Variants in GRM8 observed in about 807,000 individuals in gnomAD.
The protein encoded by GRM8 is metabotropic glutamate receptor 8.
Under a neutral mutation model 87.2 loss-of-function variants are expected in GRM8, and 47 were observed. The ratio of observed to expected loss-of-function variants is 0.54; its 90% CI spans 0.43 to 0.69. The LOEUF is 0.69. Ranked by LOEUF, GRM8 falls within the 30% of genes least tolerant of loss-of-function variation. The pLI, the probability that GRM8 is intolerant of heterozygous loss-of-function variation, is 0.00. For synonymous variants in GRM8, 396 were observed against 404.5 expected (o/e 0.98, Z 0.25); for missense variants, 1,019 against 1,139.2 (o/e 0.89, Z 1.52).
chr7:126,788,420 A>AAAAACAAAAAAAACAAAAAAAAAAAAAAC lies in GRM8; in HGVS notation c.1157-18356_1157-18355insGTTTTTTTTTTTTTTGTTTTTTTTGTTTT. On this transcript the variant is annotated intron_variant, in intron 6 of 10. Transcript: ENST00000339582. ...GCAAGACTCCATCTCAAAAAAAAAAAAAACCCTTTCAGATATCTTTAACAT... is the reference window on the plus strand; with the variant it reads ...GCAAGACTCCATCTCAAAAAAAAAAAAAAACAAAAAAAACAAAAAAAAAAAAAACAAACCCTTTCAGATATCTTTAACAT... 3.1e-3 allele frequency among the ~76,000 whole-genome samples: 251 copies of AAAAACAAAAAAAACAAAAAAAAAAAAAAC among 81,128 alleles called. 14 individuals are homozygous for AAAAACAAAAAAAACAAAAAAAAAAAAAAC. The highest frequency in any genetic ancestry group is 0.011 in the African/African-American group (249 of 21,818). The allele number at this position is 81,128 out of a possible 152,430, so 53.2% of individuals were successfully genotyped here. A position where few individuals can be genotyped will look rare whatever the true frequency, so the allele number is the denominator to read the frequency against.
intron 2 of GRM8, among the ~76,000 whole-genome samples, chr7:127,133,625 G>A (rs1225013195): frequency 6.9e-6 from 1 of 145,540 alleles, no homozygotes; most frequent in Non-Finnish European, 1.5e-5. Flanking sequence ...AGAATGGCAC[G>A]AACCCGGGAG....
intron 3 of GRM8, among the ~76,000 whole-genome samples, chr7:126,968,978 A>G (rs142107001): frequency 1.1e-3 from 175 of 152,310 alleles, no homozygotes; most frequent in Non-Finnish European, 1.8e-3. Flanking sequence ...AGTCATGTGA[A>G]CTTTTTTATT....
chr7:126,927,092 T>C (rs753722902), intron 3 of GRM8, among the ~76,000 whole-genome samples: 1 of 152,254 alleles, frequency 6.6e-6, no homozygotes, highest in South Asian at 2.1e-4. Flanking sequence ...CCAGTGGTAG[T>C]ACCTTATCAA....
chr7:127,139,118 C>T (rs1828112722), intron 2 of GRM8, among the ~76,000 whole-genome samples: 1 of 152,110 alleles, frequency 6.6e-6, no homozygotes, highest in Non-Finnish European at 1.5e-5. Context: ...ACTACTTTGT[C>T]GTGCTGACTT....
chr7:126,461,315 A>G (rs765929331), intron 9 of GRM8, among the ~76,000 whole-genome samples: 6 of 151,484 alleles, frequency 4.0e-5, no homozygotes, highest in Non-Finnish European at 7.4e-5. Flanking sequence ...TTCTTTATAC[A>G]TCTCTCACCT....
intron 9 of GRM8, among the ~76,000 whole-genome samples, chr7:126,475,159 C>T (rs889437447): frequency 1.1e-4 from 16 of 151,836 alleles, no homozygotes; most frequent in Non-Finnish European, 2.2e-4. Context: ...AAAAGATAAA[C>T]GTCATCCTAA....
chr7:126,749,842 A>C, intron 7 of GRM8, among the ~76,000 whole-genome samples: 1 of 152,136 alleles, frequency 6.6e-6, no homozygotes, highest in East Asian at 1.9e-4. Context: ...GACAATATCA[A>C]GTGTTGGAGA....
At chr7:126,644,087 T>C (rs3779540) in intron 7 of GRM8, among the ~76,000 whole-genome samples, 46,877 of 152,220 alleles carry the variant, frequency 0.31, 8,095 homozygotes, top group East Asian at 0.43. Flanking sequence ...AAGTCGATGG[T>C]GAATCTTACA....
intron 3 of GRM8, among the ~76,000 whole-genome samples, chr7:126,905,376 G>T (rs1159725947): frequency 2.0e-5 from 3 of 152,276 alleles, no homozygotes; most frequent in South Asian, 2.1e-4. Context: ...GGACAAAAGA[G>T]AAAAGTATAG....
rs1818652405 is a variant in GRM8, at chr7:126,769,950, G to A, written c.1272C>T (p.Cys424=). ...GTGGACAAAGGCCAATGTATCCAGG[G>A]CAGAGATCTTTGTGCATATTGTGCA... ...YALHNMHKDL[C]PGYIGLCPRM... is the part of the protein sequence containing the mutation. The change falls in exon 7 of 11, where the codon TGC becomes TGT. Residue 424 remains cysteine (C), a synonymous_variant. Transcript: ENST00000339582. The A allele has an allele frequency of 1.9e-6, 3 of 1,612,294 alleles. No individual in the cohort carries two copies. Among genetic ancestry groups the A allele is most frequent in the Non-Finnish European group, 2.5e-6 (3 of 1,178,562 alleles).
chr7:126,666,220 C>A (rs1805748016), intron 7 of GRM8, among the ~76,000 whole-genome samples: 1 of 152,056 alleles, frequency 6.6e-6, no homozygotes. Flanking sequence ...TCAACTCTGC[C>A]CTTGGTACTG....
intron 7 of GRM8, among the ~76,000 whole-genome samples, chr7:126,636,536 A>C (rs1296163568): frequency 1.3e-5 from 2 of 152,140 alleles, no homozygotes; most frequent in Non-Finnish European, 2.9e-5. Context: ...CAATTTTTTA[A>C]AAAATATTTT....
At chr7:126,481,808 T>A (rs957315358) in intron 9 of GRM8, among the ~76,000 whole-genome samples, 8 of 152,070 alleles carry the variant, frequency 5.3e-5, no homozygotes, top group Admixed American at 1.3e-4. Flanking sequence ...AGTATGTTAG[T>A]TTATTTGTTT....
intron 2 of GRM8, among the ~76,000 whole-genome samples, chr7:127,170,909 G>C (rs1793762059): frequency 6.6e-6 from 1 of 151,938 alleles, no homozygotes; most frequent in Admixed American, 6.6e-5. Flanking sequence ...TCGGGTGATG[G>C]GTGCACCAAA....
intron 6 of GRM8, among the ~76,000 whole-genome samples, chr7:126,893,582 A>G (rs1296501114): frequency 6.6e-6 from 1 of 152,004 alleles, no homozygotes; most frequent in African/African-American, 2.4e-5. Flanking sequence ...TAGACCAATT[A>G]ATTAACTTAA....
intron 6 of GRM8, among the ~76,000 whole-genome samples, chr7:126,794,674 T>C (rs926675882): frequency 2.6e-5 from 4 of 152,146 alleles, no homozygotes; most frequent in African/African-American, 9.7e-5. Context: ...ATAAAAGAAA[T>C]AGCAGTGCTT....
At chr7:126,647,715 T>C (rs1479437842) in intron 7 of GRM8, among the ~76,000 whole-genome samples, 2 of 152,136 alleles carry the variant, frequency 1.3e-5, no homozygotes, top group Non-Finnish European at 2.9e-5. Context: ...GTGGTCAGTT[T>C]TGCCTCAAAA....
At chr7:127,019,648 A>G (rs17869216) in intron 3 of GRM8, among the ~76,000 whole-genome samples, 2,315 of 152,154 alleles carry the variant, frequency 0.015, 54 homozygotes, top group African/African-American at 0.052. Flanking sequence ...ACCAAGAATC[A>G]TTACACGGGC....
At chr7:126,641,323 T>C (rs898313901) in intron 7 of GRM8, among the ~76,000 whole-genome samples, 18 of 152,324 alleles carry the variant, frequency 1.2e-4, no homozygotes, top group African/African-American at 4.1e-4. Flanking sequence ...TAAATTTAGG[T>C]TGGCTTAAGC....
Sources: gnomAD v4.1 joint callset for allele counts (sites outside exome capture counted in the v4.1 genomes callset) on GRCh38, gnomAD v4.1.1 for gene constraint, MANE v1.5 for transcripts, NCBI Gene and HGNC (gene_info 2026-07-23, HGNC 2026-07-21) for gene names.